Variants in PCLO observed in about 807,000 individuals in gnomAD.
PCLO encodes the protein protein piccolo.
Under a neutral mutation model 427.5 loss-of-function variants are expected in PCLO, and 82 were observed. That is an observed-to-expected ratio of 0.19 (90% CI 0.16 to 0.23). The LOEUF is 0.23. Among genes scored for constraint, PCLO ranks in the 10% least tolerant of loss-of-function variants. The pLI is 1.00. For synonymous variants in PCLO, 2,357 were observed against 2,155.4 expected (o/e 1.09, Z -2.59); for missense variants, 6,239 against 6,115.9 (o/e 1.02, Z -0.67).
chr7:82,901,841 G>T (rs1230234963), intron 9 of PCLO, among the ~76,000 whole-genome samples: 1 of 152,016 alleles, frequency 6.6e-6, no homozygotes, highest in Non-Finnish European at 1.5e-5. Context: ...ATCATCACTG[G>T]CCATCAGAGA....
intron 3 of PCLO, among the ~76,000 whole-genome samples, chr7:82,992,668 G>C (rs776442972): frequency 6.6e-6 from 1 of 151,870 alleles, no homozygotes. Context: ...TAGATGACGG[G>C]TTCATAGGTG....
At chr7:82,887,201 G>A (rs996477807) in intron 9 of PCLO, among the ~76,000 whole-genome samples, 1 of 152,094 alleles carries the variant, frequency 6.6e-6, no homozygotes, top group Admixed American at 6.6e-5. Context: ...GCTAAGGAGG[G>A]TTAGAAACTT....
chr7:83,108,269 A>G (rs958439574), intron 3 of PCLO, among the ~76,000 whole-genome samples: 12 of 152,064 alleles, frequency 7.9e-5, no homozygotes, highest in Non-Finnish European at 5.9e-5. Flanking sequence ...TTGGTATGAG[A>G]TTCTAAGTCC....
chr7:82,940,755 CTTTTTTTTT>C (rs71531190), intron 6 of PCLO, among the ~76,000 whole-genome samples: 2 of 109,138 alleles, frequency 1.8e-5, no homozygotes, highest in Non-Finnish European at 3.6e-5. Flanking sequence ...TTTTTTCTTT[CTTTTTTTTT>C]TTTTTTTTTT....
Position 82,949,989 on chromosome 7 carries a change from G to A in PCLO, c.10599C>T (p.Thr3533=), listed in dbSNP as rs780621377. The stretch of plus-strand genomic sequence containing the variant: ...GTGCCCGTATGGAGGGTGTTCTTAT[G>A]GTTCCAACTGGTTCAGTTTGCACAG... ...EISVQTEPVG[T]IRTPSIRARV... is the part of the protein sequence containing the mutation. Residue 3533 remains threonine, a synonymous_variant, in exon 6 of 25, where the codon ACC becomes ACT. Coordinates refer to ENST00000333891, the MANE Select transcript of PCLO (RefSeq NM_033026.6). 6.2e-7 allele frequency: 1 copy of A among 1,613,272 alleles called. No individual in the cohort carries two copies. The highest frequency in any genetic ancestry group is 8.5e-7 in the Non-Finnish European group (1 of 1,179,772).
rs748086704 is a variant in PCLO at position 82,966,142 on chromosome 7, C to T, written c.3646G>A (p.Glu1216Lys). 5 of 1,584,894 alleles carry T rather than the reference C, an allele frequency of 3.2e-6. No homozygotes were observed. In the Admixed American group the frequency reaches 8.8e-5, roughly 28 times the overall value. ...SALQEKKPLP[E>K]EKKLIPEEEK... ...TCTTCAGGGATTAGTTTTTTTTCTT[C>T]AGGGAGTGGCTTTTTTTCTTGAAGA... The change falls in exon 4 of 25, where the codon GAA becomes AAA. Residue 1216 changes from glutamate (E) to lysine (K), a missense_variant. Glu to Lys is a moderately conservative substitution (Grantham distance 56, BLOSUM62 1). Around this residue, in one of 5 missense-constraint regions of PCLO, gnomAD observed 4,677 missense variants for 4,468.4 expected, o/e 1.05. Coordinates refer to ENST00000333891, the MANE Select transcript of PCLO (RefSeq NM_033026.6).
At chr7:82,770,492 A>T (rs774371235) in intron 22 of PCLO, among the ~76,000 whole-genome samples, 10 of 151,982 alleles carry the variant, frequency 6.6e-5, no homozygotes, top group Non-Finnish European at 1.5e-4. Flanking sequence ...TTCAGAGTAA[A>T]CAAAAAACCA....
At chr7:82,805,363 GTA>G (rs760062209) in intron 21 of PCLO, among the ~76,000 whole-genome samples, 6 of 152,104 alleles carry the variant, frequency 3.9e-5, no homozygotes, top group Non-Finnish European at 8.8e-5. Context: ...AGTAATGTTT[GTA>G]TTTGGTCATT....
At chr7:82,814,694 C>A (rs1026493685) in intron 20 of PCLO, among the ~76,000 whole-genome samples, 2 of 151,702 alleles carry the variant, frequency 1.3e-5, no homozygotes, top group African/African-American at 4.8e-5. Context: ...CATTAGTCAT[C>A]AAAGCAATGA....
intron 9 of PCLO, among the ~76,000 whole-genome samples, chr7:82,894,764 C>T (rs976575101): frequency 2.0e-5 from 3 of 151,952 alleles, no homozygotes; most frequent in African/African-American, 7.2e-5. Flanking sequence ...AGCTTTACTG[C>T]TGGAGGGGAT....
At chr7:83,062,293 A>G (rs947785343) in intron 3 of PCLO, among the ~76,000 whole-genome samples, 1 of 152,146 alleles carries the variant, frequency 6.6e-6, no homozygotes, top group Admixed American at 6.5e-5. Context: ...CTTTTCACCA[A>G]TGTGCTAAAT....
chr7:83,057,290 T>G (rs1410151326), intron 3 of PCLO, among the ~76,000 whole-genome samples: 1 of 123,690 alleles, frequency 8.1e-6, no homozygotes, highest in Non-Finnish European at 1.6e-5. Context: ...AAATGATCCA[T>G]CTGAAGGAAA....
chr7:83,099,756 T>G (rs115100235), intron 3 of PCLO, among the ~76,000 whole-genome samples: 3,011 of 152,244 alleles, frequency 0.02, 114 homozygotes, highest in African/African-American at 0.07. Context: ...CTTCTAAGAT[T>G]ACATAAATTT....
At chr7:83,066,738 T>A (rs2116335908) in intron 3 of PCLO, among the ~76,000 whole-genome samples, 1 of 152,244 alleles carries the variant, frequency 6.6e-6, no homozygotes, top group African/African-American at 2.4e-5. Context: ...TCAAGATATC[T>A]CACTAAAATC....
At chr7:82,978,797 A>G (rs988961283) in intron 3 of PCLO, among the ~76,000 whole-genome samples, 1 of 151,408 alleles carries the variant, frequency 6.6e-6, no homozygotes, top group African/African-American at 2.4e-5. Context: ...TTGGATTTGG[A>G]AAACAAAGAA....
rs548770481 is a variant in PCLO, at chr7:83,051,977, A to T, written c.3300+82273T>A. On this transcript the variant is annotated intron_variant, in intron 3 of 24. Transcript: ENST00000333891. ...ACAAATGGTGCTAGAACAGAGATACATCCACATGCAAAAAAATGAATCTAG... is the reference window on the plus strand; with the variant it reads ...ACAAATGGTGCTAGAACAGAGATACTTCCACATGCAAAAAAATGAATCTAG... Among the ~76,000 whole-genome samples, 8 of 152,188 alleles carry T rather than the reference A, an allele frequency of 5.3e-5. No individual in the cohort carries two copies. The East Asian group carries it at 1.5e-3, about 29-fold the overall frequency.
chr7:82,952,346 T>G lies in PCLO; in HGVS notation c.8607A>C (p.Thr2869=). 2 of 1,613,988 alleles carry G rather than the reference T, an allele frequency of 1.2e-6. No individual in the cohort carries two copies. The highest frequency in any genetic ancestry group is 1.7e-6 in the Non-Finnish European group (2 of 1,179,848). ...CAACAGGAGGCACAGTGACAGGTTT[T>G]GTAATAGCCAATGTCACTGCATGTG... is the stretch of plus-strand genomic sequence containing the variant. ...TPAHAVTLAI[T]KPVTVPPVGV... is the part of the protein sequence containing the mutation. The change falls in exon 5 of 25, where the codon ACA becomes ACC. Residue 2869 remains threonine, a synonymous_variant. Coordinates refer to ENST00000333891, the MANE Select transcript of PCLO (RefSeq NM_033026.6).
At chr7:82,924,170 T>C (rs1355100529) in intron 6 of PCLO, among the ~76,000 whole-genome samples, 1 of 152,032 alleles carries the variant, frequency 6.6e-6, no homozygotes, top group Non-Finnish European at 1.5e-5. Context: ...CTAGAGTAAC[T>C]AGAAATTAAA....
At chr7:82,974,665 C>T (rs1013785376) in intron 3 of PCLO, among the ~76,000 whole-genome samples, 2 of 152,176 alleles carry the variant, frequency 1.3e-5, no homozygotes, top group Non-Finnish European at 2.9e-5. Flanking sequence ...TAAAAATAAT[C>T]AATAGTTTTA....
Sources: allele counts gnomAD v4.1 joint callset (sites outside exome capture counted in the v4.1 genomes callset), GRCh38; gene constraint gnomAD v4.1.1; regional missense constraint gnomAD v4.1.1; transcripts MANE v1.5; gene names NCBI Gene and HGNC (gene_info 2026-07-23, HGNC 2026-07-21).